Variants in CTNND2 observed in about 807,000 individuals in gnomAD.
CTNND2 encodes the protein catenin delta-2.
In CTNND2, 22 loss-of-function variants were observed where a neutral mutation model predicts 144.4. The observed-to-expected ratio is 0.15, with a 90% CI of 0.11 to 0.22. The LOEUF is 0.22. CTNND2 is among the 10% of genes least tolerant of loss of function. The pLI, the probability that CTNND2 is intolerant of heterozygous loss-of-function variation, is 1.00. For missense variants in CTNND2, 1,353 were observed against 1,618.8 expected, an observed-to-expected ratio of 0.84 and a Z score of 2.82; for synonymous variants, 751 against 695.6, an observed-to-expected ratio of 1.08 and a Z score of -1.25.
At chr5:11,236,867 C>T (rs1352675590) in intron 9 of CTNND2, 44 bp from the exon 10 acceptor site, 23 of 1,607,870 alleles carry the variant, frequency 1.4e-5, no homozygotes, top group Non-Finnish European at 1.9e-5. Flanking sequence ...GAGAGAAATC[C>T]TACCACACTG....
chr5:11,454,905 T>C, intron 3 of CTNND2, among the ~76,000 whole-genome samples: 1 of 151,992 alleles, frequency 6.6e-6, no homozygotes, highest in Non-Finnish European at 1.5e-5. Flanking sequence ...CCTGGCTTTT[T>C]TTTTTTCTTT....
intron 2 of CTNND2, among the ~76,000 whole-genome samples, chr5:11,647,642 T>C (rs1228791324): frequency 2.0e-5 from 3 of 152,032 alleles, no homozygotes; most frequent in Non-Finnish European, 4.4e-5. Flanking sequence ...TCACAAACAA[T>C]TCCTGCACCC....
At chr5:11,232,218 C>T (rs1741108484) in intron 10 of CTNND2, among the ~76,000 whole-genome samples, 1 of 152,268 alleles carries the variant, frequency 6.6e-6, no homozygotes, top group African/African-American at 2.4e-5. Context: ...AGCCCCCACA[C>T]AGAGTCCCCA....
intron 1 of CTNND2, among the ~76,000 whole-genome samples, chr5:11,782,564 T>C (rs1004759184): frequency 6.6e-6 from 1 of 152,242 alleles, no homozygotes; most frequent in East Asian, 1.9e-4. Flanking sequence ...GTTTCTCTTG[T>C]GAAGTCTCAT....
intron 3 of CTNND2, among the ~76,000 whole-genome samples, chr5:11,488,773 A>G (rs1769096861): frequency 6.6e-6 from 1 of 152,182 alleles, no homozygotes; most frequent in Admixed American, 6.5e-5. Flanking sequence ...CATCGTTATG[A>G]CTGTCCTTGG....
At chr5:11,048,124 C>G (rs764509222) in intron 16 of CTNND2, among the ~76,000 whole-genome samples, 11 of 152,156 alleles carry the variant, frequency 7.2e-5, no homozygotes, top group African/African-American at 9.7e-5. Flanking sequence ...AATACAGGCT[C>G]TTTATCACCT....
chr5:11,083,118 C>A (rs1420000390), intron 15 of CTNND2, among the ~76,000 whole-genome samples: 2 of 152,134 alleles, frequency 1.3e-5, no homozygotes, highest in African/African-American at 2.4e-5. Context: ...AAGTTGAAAG[C>A]CATTTGCGTG....
intron 2 of CTNND2, among the ~76,000 whole-genome samples, chr5:11,718,394 C>G (rs1325206600): frequency 2.6e-5 from 4 of 152,130 alleles, no homozygotes; most frequent in Admixed American, 6.5e-5. Flanking sequence ...CTCTGAGCTC[C>G]CGCTTCTGTA....
At chr5:11,066,558 C>T (rs11737996) in intron 16 of CTNND2, among the ~76,000 whole-genome samples, 1 of 149,964 alleles carries the variant, frequency 6.7e-6, no homozygotes, top group South Asian at 2.1e-4. Context: ...ATGTCTCATG[C>T]CTCTCTAAAC....
At position 11,625,389 on chromosome 5, in the gene CTNND2, A is replaced by ATATCTC. The variant is rs148899512; in HGVS notation, c.175-60334_175-60333insGAGATA. Among the ~76,000 whole-genome samples the ATATCTC allele has an allele frequency of 2.1e-5, 3 of 140,394 alleles. No individual in the cohort carries two copies. The Admixed American group carries it at 2.2e-4, about 10-fold the overall frequency. 92.1% of individuals were successfully genotyped at this position (140,394 alleles called of 152,430 possible). A position where few individuals can be genotyped will look rare whatever the true frequency, so the allele number is the denominator to read the frequency against. On this transcript the variant is annotated intron_variant, in intron 2 of 21. Transcript: ENST00000304623. ...ACAACTGGGTAATGCAAACAGAAAA[A>ATATCTC]TCTCTCTCTCTCTCTCTCTCTCTCT... is the stretch of plus-strand genomic sequence containing the variant.
chr5:11,295,069 A>G (rs908609791), intron 9 of CTNND2, among the ~76,000 whole-genome samples: 1 of 152,222 alleles, frequency 6.6e-6, no homozygotes, highest in East Asian at 1.9e-4. Context: ...ACATGACTAT[A>G]TATCTAGAAA....
intron 2 of CTNND2, among the ~76,000 whole-genome samples, chr5:11,583,119 C>T (rs1778567793): frequency 1.3e-5 from 2 of 152,220 alleles, no homozygotes; most frequent in South Asian, 4.1e-4. Flanking sequence ...GACTCACTTG[C>T]CCTCCTTAGG....
chr5:11,438,020 C>A (rs1285630288), intron 3 of CTNND2, among the ~76,000 whole-genome samples: 3 of 152,120 alleles, frequency 2.0e-5, no homozygotes, highest in Non-Finnish European at 1.5e-5. Flanking sequence ...GTATGTGTGA[C>A]AACATGGGAG....
chr5:11,055,327 A>G (rs567871966), intron 16 of CTNND2, among the ~76,000 whole-genome samples: 29 of 152,330 alleles, frequency 1.9e-4, no homozygotes, highest in Admixed American at 1.2e-3. Flanking sequence ...TGCAGCTGCC[A>G]TAAGTCCCCT....
In CTNND2 at chr5:10,988,022, C is replaced by T. The variant is rs61751753; in HGVS notation, c.3343+89G>A. The T allele has an allele frequency of 3.8e-4, 583 of 1,551,830 alleles. 4 individuals carry two copies. The African/African-American group carries it at 7.0e-3, about 19-fold the overall frequency. On this transcript the variant is annotated intron_variant, in intron 20 of 21. Transcript: ENST00000304623. The surrounding 1 kb of genome is among the most constrained non-coding windows in gnomAD (Gnocchi z 5.9). ...GTCCTGCTCAGCAGCCAAGCGCAGC[C>T]AGCCCCGTGAAGCCTGATGTCCCAT...
At chr5:11,303,769 T>G (rs78282625) in intron 9 of CTNND2, among the ~76,000 whole-genome samples, 4,375 of 152,276 alleles carry the variant, frequency 0.029, 355 homozygotes, top group East Asian at 0.18. Context: ...ATCTTGAATC[T>G]CAGTCTTCAT....
At chr5:11,523,718 G>A (rs1325810114) in intron 3 of CTNND2, among the ~76,000 whole-genome samples, 1 of 152,196 alleles carries the variant, frequency 6.6e-6, no homozygotes, top group African/African-American at 2.4e-5. Flanking sequence ...TCCTGCACCT[G>A]CTCTTATGGC....
chr5:11,197,546 C>T (rs941759219), intron 11 of CTNND2, among the ~76,000 whole-genome samples: 2 of 152,170 alleles, frequency 1.3e-5, no homozygotes, highest in Non-Finnish European at 2.9e-5. Context: ...CTACAGCCTG[C>T]GTTTCACCAG....
chr5:11,458,893 G>C (rs1183478138), intron 3 of CTNND2, among the ~76,000 whole-genome samples: 1 of 151,964 alleles, frequency 6.6e-6, no homozygotes, highest in African/African-American at 2.4e-5. Flanking sequence ...CTCTGGAATA[G>C]CTGGGACTGT....
Sources: gnomAD v4.1 joint callset for allele counts (sites outside exome capture counted in the v4.1 genomes callset) on GRCh38, gnomAD v4.1.1 for gene constraint, Gnocchi (gnomAD v3.1) non-coding constraint, MANE v1.5 for transcripts, NCBI Gene and HGNC (gene_info 2026-07-23, HGNC 2026-07-21) for gene names.